DCC: variants seen among roughly 807,000 people sequenced by gnomAD.
The protein encoded by DCC is netrin receptor DCC.
Under a neutral mutation model 172.5 loss-of-function variants are expected in DCC, and 58 were observed. The observed-to-expected ratio is 0.34, with a 90% CI of 0.27 to 0.42. The LOEUF (loss-of-function observed/expected upper bound fraction) is 0.42, where lower values mean the gene tolerates loss of function less well. DCC is among the 10% of genes least tolerant of loss of function. DCC has a pLI of 1.00. For synonymous variants in DCC, 709 were observed against 644.5 expected (o/e 1.10, Z -1.52); for missense variants, 1,740 against 1,791.0 (o/e 0.97, Z 0.51).
intron 7 of DCC, among the ~76,000 whole-genome samples, chr18:53,145,358 C>T (rs1159882210): frequency 1.3e-5 from 2 of 152,072 alleles, no homozygotes; most frequent in African/African-American, 4.8e-5. Context: ...CGTGATCCGC[C>T]CGCCTCGGCC....
At chr18:52,570,929 C>T (rs1451218375) in intron 1 of DCC, among the ~76,000 whole-genome samples, 2 of 152,056 alleles carry the variant, frequency 1.3e-5, no homozygotes, top group African/African-American at 4.8e-5. Flanking sequence ...TTCTAGCTGG[C>T]TGTGTCATGC....
At chr18:52,880,097 G>T (rs1017316902) in intron 2 of DCC, among the ~76,000 whole-genome samples, 1 of 151,560 alleles carries the variant, frequency 6.6e-6, no homozygotes, top group African/African-American at 2.4e-5. Flanking sequence ...TAGTCACTCC[G>T]TTGTGCTATC....
intron 1 of DCC, among the ~76,000 whole-genome samples, chr18:52,547,121 A>C (rs1388873635): frequency 6.6e-6 from 1 of 152,192 alleles, no homozygotes; most frequent in African/African-American, 2.4e-5. Context: ...TGAAATGCTA[A>C]TAAAATGTCA....
intron 7 of DCC, among the ~76,000 whole-genome samples, chr18:53,146,214 C>G (rs2043910845): frequency 6.6e-6 from 1 of 151,592 alleles, no homozygotes; most frequent in African/African-American, 2.4e-5. Context: ...GAACAAGACT[C>G]TGTCTCCAAA....
chr18:53,239,500 C>T (rs1469957844), intron 12 of DCC, among the ~76,000 whole-genome samples: 1 of 152,052 alleles, frequency 6.6e-6, no homozygotes, highest in Non-Finnish European at 1.5e-5. Flanking sequence ...GATGGTTGTG[C>T]TGATAGGTGA....
intron 1 of DCC, among the ~76,000 whole-genome samples, chr18:52,734,193 G>A (rs1308620157): frequency 6.6e-6 from 1 of 151,902 alleles, no homozygotes; most frequent in African/African-American, 2.4e-5. Context: ...ATATATGTAT[G>A]GGGTACATGA....
chr18:53,509,105 T>TCTAA (rs1257310580), intron 27 of DCC, among the ~76,000 whole-genome samples: 2 of 152,206 alleles, frequency 1.3e-5, no homozygotes, highest in South Asian at 2.1e-4. Flanking sequence ...AGATCCCAGC[T>TCTAA]CTAACTTCCA....
intron 10 of DCC, among the ~76,000 whole-genome samples, chr18:53,206,087 G>A (rs908955314): frequency 0.23 from 547 of 2,376 alleles, 2 homozygotes; most frequent in African/African-American, 0.4. Context: ...ACATATATAC[G>A]TATATGTATT....
intron 2 of DCC, among the ~76,000 whole-genome samples, chr18:52,809,671 G>A (rs944626608): frequency 3.9e-5 from 6 of 152,110 alleles, no homozygotes; most frequent in Admixed American, 1.3e-4. Context: ...AGTGGGGGAC[G>A]GTGAGTAGAA....
At chr18:52,393,008 C>T (rs1403462949) in intron 1 of DCC, among the ~76,000 whole-genome samples, 1 of 152,018 alleles carries the variant, frequency 6.6e-6, no homozygotes, top group African/African-American at 2.4e-5. Context: ...TGTGGTGAAG[C>T]CAGGGCCAGT....
At position 52,340,802 on chromosome 18, in the gene DCC, T is replaced by G; in HGVS notation, c.15T>G (p.Leu5=). MENS[L]RCVWVPKLAF... is the part of the protein sequence containing the mutation. ...TTGGCTGAAATATGGAGAATAGTCT[T>G]AGATGTGTTTGGGTACCCAAGCTGG... Residue 5 remains leucine (L), a synonymous_variant, in exon 1 of 29, where the codon CTT becomes CTG. Transcript: ENST00000442544. 1 of 1,614,000 alleles carries G rather than the reference T, an allele frequency of 6.2e-7. No individual in the cohort carries two copies. The highest frequency in any genetic ancestry group is 8.5e-7 in the Non-Finnish European group (1 of 1,179,918).
chr18:53,192,696 AGAG>A (rs1462090452), intron 9 of DCC, among the ~76,000 whole-genome samples: 1 of 152,228 alleles, frequency 6.6e-6, no homozygotes, highest in Non-Finnish European at 1.5e-5. Flanking sequence ...AATTAAAAGA[AGAG>A]AAGATAGGGG....
chr18:53,492,274 T>G (rs2045967579), intron 26 of DCC, among the ~76,000 whole-genome samples: 1 of 152,238 alleles, frequency 6.6e-6, no homozygotes, highest in African/African-American at 2.4e-5. Context: ...CTGTTCACTC[T>G]GATGATAGCT....
At chr18:53,029,447 A>T (rs1242665206) in intron 5 of DCC, among the ~76,000 whole-genome samples, 1 of 152,174 alleles carries the variant, frequency 6.6e-6, no homozygotes, top group Non-Finnish European at 1.5e-5. Context: ...AGGTACATTT[A>T]GGGTAGAAAT....
chr18:52,806,685 C>T (rs1391144558), intron 2 of DCC, among the ~76,000 whole-genome samples: 1 of 152,152 alleles, frequency 6.6e-6, no homozygotes, highest in African/African-American at 2.4e-5. Context: ...AACCAATTGC[C>T]ACCTTTCTTT....
chr18:52,577,258 A>T (rs566514182), intron 1 of DCC, among the ~76,000 whole-genome samples: 1 of 152,322 alleles, frequency 6.6e-6, no homozygotes, highest in South Asian at 2.1e-4. Context: ...TGCTAATCTG[A>T]TGGAAGGGTA....
chr18:52,354,856 A>AT (rs1984289665), intron 1 of DCC, among the ~76,000 whole-genome samples: 1 of 151,740 alleles, frequency 6.6e-6, no homozygotes, highest in African/African-American at 2.4e-5. Context: ...CTTTTGCCTG[A>AT]TTTTTCCTTT....
intron 5 of DCC, among the ~76,000 whole-genome samples, chr18:52,980,012 G>A (rs2041182249): frequency 1.7e-4 from 10 of 59,092 alleles, no homozygotes; most frequent in Admixed American, 1.3e-3. Flanking sequence ...TATCCCCTGA[G>A]ACATAGGCAC....
At chr18:53,142,738 C>T (rs1326315512) in intron 7 of DCC, among the ~76,000 whole-genome samples, 2 of 152,132 alleles carry the variant, frequency 1.3e-5, no homozygotes, top group South Asian at 2.1e-4. Context: ...AAGAAATCGA[C>T]GTTGCTATAT....
Sources: allele counts gnomAD v4.1 joint callset (sites outside exome capture counted in the v4.1 genomes callset), GRCh38; gene constraint gnomAD v4.1.1; transcripts MANE v1.5; gene names NCBI Gene and HGNC (gene_info 2026-07-23, HGNC 2026-07-21).